CSMD1: variants seen among roughly 807,000 people sequenced by gnomAD.
CSMD1 encodes the protein CUB and Sushi multiple domains 1.
In CSMD1, 213 loss-of-function variants were observed where a neutral mutation model predicts 417.5. The ratio of observed to expected loss-of-function variants is 0.51; its 90% CI spans 0.46 to 0.57. CSMD1 has a LOEUF of 0.57. Among genes scored for constraint, CSMD1 ranks in the 20% least tolerant of loss-of-function variants. The probability of loss-of-function intolerance (pLI) is 0.00; values close to 1 mark genes in which losing one functional copy is unlikely to be tolerated. For synonymous variants in CSMD1, 2,862 were observed against 1,736.8 expected (o/e 1.65, Z -16.11); for missense variants, 6,923 against 4,529.7 (o/e 1.53, Z -15.17).
At chr8:3,500,166 T>G (rs147115024) in intron 10 of CSMD1, among the ~76,000 whole-genome samples, 375 of 152,262 alleles carry the variant, frequency 2.5e-3, no homozygotes, top group African/African-American at 8.6e-3. Flanking sequence ...TGAGTTTCCA[T>G]GCCTTAGAGG....
chr8:4,811,967 G>C (rs1186668797), intron 1 of CSMD1, among the ~76,000 whole-genome samples: 1 of 152,070 alleles, frequency 6.6e-6, no homozygotes, highest in African/African-American at 2.4e-5. Context: ...ATACATGCTG[G>C]TTTTTTAAAA....
intron 3 of CSMD1, among the ~76,000 whole-genome samples, chr8:4,394,601 G>T (rs1282957028): frequency 1.3e-5 from 2 of 152,134 alleles, no homozygotes; most frequent in Non-Finnish European, 2.9e-5. Flanking sequence ...AGTAGCTGCA[G>T]GAAGGTGAGA....
At chr8:4,786,738 AT>A (rs202189660) in intron 1 of CSMD1, among the ~76,000 whole-genome samples, 249 of 151,360 alleles carry the variant, frequency 1.6e-3, no homozygotes, top group African/African-American at 5.4e-3. Context: ...CATTATCTTT[AT>A]TTTTTTTTCT....
chr8:4,841,650 C>T (rs1249873962), intron 1 of CSMD1, among the ~76,000 whole-genome samples: 3 of 152,016 alleles, frequency 2.0e-5, no homozygotes, highest in Admixed American at 6.5e-5. Context: ...GTGGCTCACG[C>T]CTGTAATCCC....
intron 3 of CSMD1, among the ~76,000 whole-genome samples, chr8:4,277,032 T>A (rs1000988390): frequency 1.3e-5 from 2 of 152,052 alleles, no homozygotes; most frequent in African/African-American, 2.4e-5. Flanking sequence ...GTCAAAAAAA[T>A]TACCAGGATG....
At chr8:3,370,614 T>C (rs1168573150) in intron 18 of CSMD1, among the ~76,000 whole-genome samples, 1 of 152,114 alleles carries the variant, frequency 6.6e-6, no homozygotes, top group East Asian at 1.9e-4. Flanking sequence ...GTGGACTGAG[T>C]GAAGATTTGC....
chr8:3,043,750 C>T (rs926368203), intron 50 of CSMD1: 3 of 152,232 alleles, frequency 2.0e-5, no homozygotes, highest in Non-Finnish European at 2.9e-5. Context: ...CTTCATCCAA[C>T]ACCTTGGACA....
chr8:4,859,580 C>G (rs1315771211), intron 1 of CSMD1, among the ~76,000 whole-genome samples: 1 of 151,898 alleles, frequency 6.6e-6, no homozygotes, highest in Non-Finnish European at 1.5e-5. Context: ...ACAAACAACC[C>G]CATCAAAAAG....
At chr8:3,262,729 T>G (rs1435545228) in intron 26 of CSMD1, among the ~76,000 whole-genome samples, 1 of 152,288 alleles carries the variant, frequency 6.6e-6, no homozygotes, top group South Asian at 2.1e-4. Flanking sequence ...TAATGTCTCA[T>G]AGTGGAAAAT....
intron 7 of CSMD1, among the ~76,000 whole-genome samples, chr8:3,644,124 AGTT>A (rs1797455082): frequency 6.6e-6 from 1 of 152,196 alleles, no homozygotes; most frequent in Non-Finnish European, 1.5e-5. Flanking sequence ...TCACCTGGGA[AGTT>A]GTTATCAATG....
chr8:4,323,975 C>G (rs1253796639), intron 3 of CSMD1, among the ~76,000 whole-genome samples: 1 of 152,120 alleles, frequency 6.6e-6, no homozygotes, highest in East Asian at 1.9e-4. Flanking sequence ...CAGCCTGCTG[C>G]CTCAAGGACT....
At chr8:4,677,569 G>A (rs1240892278) in intron 1 of CSMD1, among the ~76,000 whole-genome samples, 2 of 152,118 alleles carry the variant, frequency 1.3e-5, no homozygotes, top group Non-Finnish European at 2.9e-5. Context: ...TCACTTTGAT[G>A]CTTTCATAGT....
At chr8:4,928,867 C>A (rs570205818) in intron 1 of CSMD1, among the ~76,000 whole-genome samples, 3 of 151,968 alleles carry the variant, frequency 2.0e-5, no homozygotes, top group Non-Finnish European at 2.9e-5. Flanking sequence ...GTTGGGAGTT[C>A]GAGACCAGCC....
intron 48 of CSMD1, among the ~76,000 whole-genome samples, chr8:3,089,327 T>C (rs747355295): frequency 7.2e-5 from 11 of 152,232 alleles, no homozygotes; most frequent in Non-Finnish European, 1.5e-5. Context: ...ACCCGCCCAA[T>C]ACAGAAGCTT....
intron 1 of CSMD1, among the ~76,000 whole-genome samples, chr8:4,681,159 A>G (rs1370470989): frequency 6.6e-6 from 1 of 152,180 alleles, no homozygotes; most frequent in African/African-American, 2.4e-5. Context: ...ATGGCCAACA[A>G]TACTTCTTGA....
At chr8:4,067,447 A>G (rs1799310271) in intron 3 of CSMD1, among the ~76,000 whole-genome samples, 1 of 151,962 alleles carries the variant, frequency 6.6e-6, no homozygotes, top group Admixed American at 6.6e-5. Context: ...ATTGTTATAC[A>G]GTGGTATATC....
intron 3 of CSMD1, among the ~76,000 whole-genome samples, chr8:4,281,602 A>G (rs1796788763): frequency 6.6e-6 from 1 of 152,198 alleles, no homozygotes; most frequent in African/African-American, 2.4e-5. Context: ...AGAAGTATGT[A>G]TAGCCAAAAG....
intron 2 of CSMD1, among the ~76,000 whole-genome samples, chr8:4,469,906 C>A (rs925333684): frequency 6.6e-6 from 1 of 150,992 alleles, no homozygotes; most frequent in African/African-American, 2.4e-5. Context: ...GTCGCTCTGT[C>A]GCCCTGGCTG....
At chr8:3,613,820 A>G (rs561395897) in intron 8 of CSMD1, among the ~76,000 whole-genome samples, 37 of 152,224 alleles carry the variant, frequency 2.4e-4, no homozygotes, top group African/African-American at 8.4e-4. Flanking sequence ...TGTCATAACT[A>G]TAATGAAAGC....
Sources: allele counts gnomAD v4.1 joint callset (sites outside exome capture counted in the v4.1 genomes callset), GRCh38; gene constraint gnomAD v4.1.1; transcripts MANE v1.5; gene names NCBI Gene and HGNC (gene_info 2026-07-23, HGNC 2026-07-21).